The following SERINC5 variants were observed in gnomAD, a reference collection of about 807,000 sequenced individuals.
The protein encoded by SERINC5 is serine incorporator 5, also known as chromosome 5 open reading frame 12.
A neutral mutation model predicts 63.1 loss-of-function variants in SERINC5; 41 were observed. The ratio of observed to expected loss-of-function variants is 0.65; its 90% CI spans 0.51 to 0.84. The LOEUF (loss-of-function observed/expected upper bound fraction) is 0.84, where lower values mean the gene tolerates loss of function less well. Among genes scored for constraint, SERINC5 ranks in the 40% least tolerant of loss-of-function variants. The pLI, the probability that SERINC5 is intolerant of heterozygous loss-of-function variation, is 0.00. For missense variants in SERINC5, 523 were observed against 573.0 expected (o/e 0.91, Z 0.89); for synonymous variants, 222 against 215.2 (o/e 1.03, Z -0.28).
intron 2 of SERINC5, among the ~76,000 whole-genome samples, chr5:80,183,889 G>A (rs1189643855): frequency 5.3e-5 from 8 of 151,304 alleles, no homozygotes; most frequent in African/African-American, 9.9e-5. Flanking sequence ...TCTTCACACC[G>A]ACGCGCATGA....
intron 2 of SERINC5, among the ~76,000 whole-genome samples, chr5:80,181,109 C>T (rs1251307393): frequency 6.6e-6 from 1 of 152,132 alleles, no homozygotes; most frequent in Admixed American, 6.6e-5. Context: ...ATCTACTGGG[C>T]AGGGGGGCAA....
Position 80,143,384 on chromosome 5 carries a change from G to A in SERINC5, c.*279C>T. The A allele has an allele frequency of 8.8e-7, 1 of 1,139,760 alleles. No individual in the cohort carries two copies. Among genetic ancestry groups the A allele is most frequent in the Non-Finnish European group, 1.1e-6 (1 of 929,104 alleles). 70.6% of individuals were successfully genotyped at this position (1,139,760 alleles called of 1,614,324 possible). A position where few individuals can be genotyped will look rare whatever the true frequency, so the allele number is the denominator to read the frequency against. On this transcript the variant is annotated 3_prime_UTR_variant, in exon 12 of 12. Coordinates refer to ENST00000507668, the MANE Select transcript of SERINC5 (RefSeq NM_001174072.3). ...CCAAATTCTGTTTTGGCAAAAACAT[G>A]CAGAAGGAAGTCAACATAACTGGTA... is the stretch of plus-strand genomic sequence containing the variant.
At chr5:80,190,181 G>A (rs773187709) in intron 2 of SERINC5, among the ~76,000 whole-genome samples, 3 of 140,286 alleles carry the variant, frequency 2.1e-5, no homozygotes, top group South Asian at 2.2e-4. Context: ...GCACAATCTC[G>A]GCTCACTGCA....
At chr5:80,185,295 T>TA (rs1748726131) in intron 2 of SERINC5, among the ~76,000 whole-genome samples, 2 of 152,146 alleles carry the variant, frequency 1.3e-5, no homozygotes, top group South Asian at 4.1e-4. Context: ...CTTCCATTCC[T>TA]AACTCCACTG....
chr5:80,181,547 G>C (rs888783889), intron 2 of SERINC5, among the ~76,000 whole-genome samples: 1 of 152,114 alleles, frequency 6.6e-6, no homozygotes, highest in African/African-American at 2.4e-5. Flanking sequence ...ACAGGTGTCA[G>C]CCACTGTACC....
intron 1 of SERINC5, among the ~76,000 whole-genome samples, chr5:80,232,149 A>G (rs1448374325): frequency 6.6e-6 from 1 of 151,146 alleles, no homozygotes; most frequent in Non-Finnish European, 1.5e-5. Flanking sequence ...TCACGCCTGT[A>G]ATCCCAGCAT....
chr5:80,185,858 T>G (rs1185438801), intron 2 of SERINC5, among the ~76,000 whole-genome samples: 1 of 152,132 alleles, frequency 6.6e-6, no homozygotes, highest in African/African-American at 2.4e-5. Context: ...GCACATTCAC[T>G]TCTTTTGTGA....
chr5:80,164,495 C>T (rs1747141792), intron 7 of SERINC5, among the ~76,000 whole-genome samples: 1 of 152,112 alleles, frequency 6.6e-6, no homozygotes, highest in African/African-American at 2.4e-5. Context: ...GATCCTCCCA[C>T]CTCAGCCTCC....
downstream of SERINC5, among the ~76,000 whole-genome samples, chr5:80,135,456 AG>A (rs1389141237): frequency 2.0e-5 from 3 of 152,198 alleles, no homozygotes; most frequent in African/African-American, 4.8e-5. Context: ...CAGGGACCCA[AG>A]AACTAAAAAG....
At chr5:80,250,926 C>T (rs951318158) in intron 1 of SERINC5, among the ~76,000 whole-genome samples, 5 of 151,760 alleles carry the variant, frequency 3.3e-5, no homozygotes, top group African/African-American at 1.2e-4. Flanking sequence ...TCGAATGGAG[C>T]TCAGCTCTTT....
chr5:80,198,505 C>T (rs938687339), intron 2 of SERINC5: 1 of 985,158 alleles, frequency 1.0e-6, no homozygotes, highest in African/African-American at 1.7e-5. Context: ...ATACCAAAGA[C>T]CCACGCGACT....
At chr5:80,255,466 T>G (rs568402912) in intron 1 of SERINC5, among the ~76,000 whole-genome samples, 8 of 151,644 alleles carry the variant, frequency 5.3e-5, no homozygotes, top group African/African-American at 1.9e-4. Context: ...TTGACCCGAG[T>G]TTTATTCAGG....
At chr5:80,223,071 G>C (rs1239205505) in intron 1 of SERINC5, among the ~76,000 whole-genome samples, 1 of 152,148 alleles carries the variant, frequency 6.6e-6, no homozygotes, top group Non-Finnish European at 1.5e-5. Context: ...TGCCCAGGCT[G>C]GTCTTGAACT....
At chr5:80,151,081 G>A (rs73772260) in intron 8 of SERINC5, 133 bp from the exon 9 acceptor site, 132,192 of 698,702 alleles carry the variant, frequency 0.19, 13,360 homozygotes, top group South Asian at 0.25. Context: ...TTAAATCAAA[G>A]CAATCTATTT....
At chr5:80,166,349 C>T (rs1007159993) in intron 7 of SERINC5, 34 bp downstream of exon 7, 18 of 1,367,712 alleles carry the variant, frequency 1.3e-5, no homozygotes, top group Admixed American at 4.0e-5. Flanking sequence ...AATATTCACA[C>T]CGCAAACACA....
intron 2 of SERINC5, among the ~76,000 whole-genome samples, chr5:80,185,536 C>CA (rs1748740875): frequency 0.018 from 1 of 56 alleles, no homozygotes; most frequent in Non-Finnish European, 0.036. Flanking sequence ...GACCACCAAA[C>CA]AGGCTTGTGT....
At position 80,140,174 on chromosome 5, in the gene SERINC5, C is replaced by T. The variant is rs578156743; in HGVS notation, c.*3489G>A. The T allele has an allele frequency of 8.6e-4, 649 of 752,300 alleles. 2 individuals carry two copies. In the African/African-American group the frequency reaches 0.012, roughly 14 times the overall value. 46.6% of individuals were successfully genotyped at this position (752,300 alleles called of 1,614,324 possible). ...ATCTCTACAAAAAAATAAAAATCGG[C>T]CAGGTGTGATGGGGCAAACCTGTGG... On this transcript the variant is annotated 3_prime_UTR_variant, in exon 12 of 12. Coordinates refer to ENST00000507668, the MANE Select transcript of SERINC5 (RefSeq NM_001174072.3).
intron 1 of SERINC5, among the ~76,000 whole-genome samples, chr5:80,213,299 G>C (rs184777474): frequency 6.6e-6 from 1 of 151,628 alleles, no homozygotes; most frequent in African/African-American, 2.4e-5. Context: ...ATATTAGTTA[G>C]CAATAGTTAA....
intron 11 of SERINC5, among the ~76,000 whole-genome samples, chr5:80,116,658 C>A (rs1744332568): frequency 6.6e-6 from 1 of 151,996 alleles, no homozygotes; most frequent in Admixed American, 6.5e-5. Context: ...ATAGGCAGAG[C>A]TCTGCTGGCA....
Sources: allele counts gnomAD v4.1 joint callset (sites outside exome capture counted in the v4.1 genomes callset), GRCh38; gene constraint gnomAD v4.1.1; transcripts MANE v1.5; gene names NCBI Gene and HGNC (gene_info 2026-07-23, HGNC 2026-07-21).